The following TCF7L1 variants were observed in gnomAD, a reference collection of about 807,000 sequenced individuals.
TCF7L1 encodes transcription factor 7 like 1, also known as transcription factor 7-like 1.
Under a neutral mutation model 63.7 loss-of-function variants are expected in TCF7L1, and 18 were observed. That is an observed-to-expected ratio of 0.28 (90% CI 0.20 to 0.42). The LOEUF is 0.42. Ranked by LOEUF, TCF7L1 falls within the 10% of genes least tolerant of loss-of-function variation. The pLI is 1.00. For missense variants in TCF7L1, 654 were observed against 779.3 expected (o/e 0.84, Z 1.91); for synonymous variants, 355 against 340.9 (o/e 1.04, Z -0.46).
At position 85,222,625 on chromosome 2, in the gene TCF7L1, G is replaced by A. The variant is rs1347396032; in HGVS notation, c.442-60870G>A. Among the ~76,000 whole-genome samples, 17 of 134,644 alleles carry A rather than the reference G, an allele frequency of 1.3e-4. No individual in the cohort carries two copies. In the East Asian group the frequency reaches 3.4e-3, roughly 27 times the overall value. 88.3% of individuals were successfully genotyped at this position (134,644 alleles called of 152,430 possible). A position where few individuals can be genotyped will look rare whatever the true frequency, so the allele number is the denominator to read the frequency against. On this transcript the variant is annotated intron_variant, in intron 3 of 11. Coordinates refer to ENST00000282111, the MANE Select transcript of TCF7L1 (RefSeq NM_031283.3). Reference sequence around the variant, plus strand: ...GCAGAGGCTGCAGTGAGCCTAGATTGCACTGCTGCACTCCAGCCTGGGTGA... The same window carrying A: ...GCAGAGGCTGCAGTGAGCCTAGATTACACTGCTGCACTCCAGCCTGGGTGA...
In TCF7L1 at chr2:85,134,249, C is replaced by G; in HGVS notation, c.314-74C>G. 1 of 1,484,194 alleles carries G rather than the reference C, an allele frequency of 6.7e-7. No homozygotes were observed. The allele number at this position is 1,484,194 out of a possible 1,614,324, so 91.9% of individuals were successfully genotyped here. A position where few individuals can be genotyped will look rare whatever the true frequency, so the allele number is the denominator to read the frequency against. ...GGGGGGCGCTGGGGTCCCCAGCTCC[C>G]GCCTCGAGCCCCCTGCCGCGGCGCT... On this transcript the variant is annotated intron_variant, in intron 2 of 11. Coordinates refer to ENST00000282111, the MANE Select transcript of TCF7L1 (RefSeq NM_031283.3). This position sits in a 1 kb window ranked among gnomAD's most constrained non-coding sequence, Gnocchi z 5.0.
chr2:85,250,289 T>C (rs1432731103), intron 3 of TCF7L1, among the ~76,000 whole-genome samples: 3 of 152,120 alleles, frequency 2.0e-5, no homozygotes, highest in Non-Finnish European at 2.9e-5. Context: ...TCTGGTCCAC[T>C]ACTGGAAGGC....
intron 3 of TCF7L1, among the ~76,000 whole-genome samples, chr2:85,247,466 T>C (rs987735601): frequency 5.3e-5 from 8 of 152,362 alleles, no homozygotes; most frequent in Middle Eastern, 3.4e-3. Flanking sequence ...TTGTTTTTCC[T>C]GCCCCAAGGT....
At chr2:85,167,512 CAGAT>C (rs1196057713) in intron 3 of TCF7L1, 3 of 152,142 alleles carry the variant, frequency 2.0e-5, no homozygotes, top group African/African-American at 4.8e-5. Context: ...TATCCGTCGA[CAGAT>C]GGATGGCTAA....
At position 85,309,555 on chromosome 2, in the gene TCF7L1, G is replaced by A. The variant is rs1264612972; in HGVS notation, c.*93G>A. 3 of 1,316,410 alleles carry A rather than the reference G, an allele frequency of 2.3e-6. No individual in the cohort carries two copies. The highest frequency in any genetic ancestry group is 3.1e-6 in the Non-Finnish European group (3 of 980,888). The allele number at this position is 1,316,410 out of a possible 1,614,324, so 81.5% of individuals were successfully genotyped here. A position where few individuals can be genotyped will look rare whatever the true frequency, so the allele number is the denominator to read the frequency against. ...AAGGAGACTTTATTGGTCAATATTT[G>A]ACCACTCTGGACTGTTCTGTAAAGT... On this transcript the variant is annotated 3_prime_UTR_variant, in exon 12 of 12. Coordinates refer to ENST00000282111, the MANE Select transcript of TCF7L1 (RefSeq NM_031283.3).
intron 3 of TCF7L1, chr2:85,262,133 G>C: frequency 1.8e-6 from 1 of 545,226 alleles, no homozygotes; most frequent in Non-Finnish European, 3.7e-6. Context: ...AATCTCTTCC[G>C]CATCATCTAA....
chr2:85,219,437 G>T (rs146647540), intron 3 of TCF7L1, among the ~76,000 whole-genome samples: 1 of 152,268 alleles, frequency 6.6e-6, no homozygotes, highest in African/African-American at 2.4e-5. Context: ...TTGCTGCATT[G>T]TTTACAGTAG....
At chr2:85,241,452 T>TTTTG (rs1680328400) in intron 3 of TCF7L1, among the ~76,000 whole-genome samples, 1 of 143,292 alleles carries the variant, frequency 7.0e-6, no homozygotes, top group African/African-American at 2.6e-5. Flanking sequence ...TTTTTTTTTT[T>TTTTG]TTTTTTTTTT....
intron 3 of TCF7L1, among the ~76,000 whole-genome samples, chr2:85,230,447 C>G (rs1447250594): frequency 1.3e-5 from 2 of 152,122 alleles, no homozygotes; most frequent in South Asian, 2.1e-4. Context: ...GATTTTCATG[C>G]CTCAGCCTCC....
intron 3 of TCF7L1, among the ~76,000 whole-genome samples, chr2:85,259,695 C>G (rs934915349): frequency 6.6e-6 from 1 of 152,178 alleles, no homozygotes; most frequent in Non-Finnish European, 1.5e-5. Context: ...TTGGGAAAAA[C>G]TTGGATAGAG....
chr2:85,142,625 T>A (rs1677772594), intron 3 of TCF7L1, among the ~76,000 whole-genome samples: 1 of 152,138 alleles, frequency 6.6e-6, no homozygotes. Context: ...CGTCCCAGAT[T>A]GTCTTTTCTA....
chr2:85,181,486 G>C (rs1678804915), intron 3 of TCF7L1, among the ~76,000 whole-genome samples: 2 of 152,200 alleles, frequency 1.3e-5, no homozygotes, highest in African/African-American at 4.8e-5. Context: ...AGGAAAAAAA[G>C]AACTATGTGT....
chr2:85,272,618 A>T (rs189742621), intron 3 of TCF7L1, among the ~76,000 whole-genome samples: 1 of 150,152 alleles, frequency 6.7e-6, no homozygotes, highest in East Asian at 2.0e-4. Context: ...ACATAGTGAG[A>T]CCCTGTCTCT....
At chr2:85,276,480 A>T (rs1681273516) in intron 3 of TCF7L1, among the ~76,000 whole-genome samples, 1 of 152,200 alleles carries the variant, frequency 6.6e-6, no homozygotes, top group African/African-American at 2.4e-5. Flanking sequence ...AGCTCTATGT[A>T]ACAGGAACCT....
intron 3 of TCF7L1, among the ~76,000 whole-genome samples, chr2:85,218,012 C>T (rs748898887): frequency 6.6e-6 from 1 of 151,932 alleles, no homozygotes; most frequent in Non-Finnish European, 1.5e-5. Flanking sequence ...CATGGAATTC[C>T]TTGGAATCAA....
At position 85,273,356 on chromosome 2, in the gene TCF7L1, C is replaced by G. The variant is rs149700272; in HGVS notation, c.442-10139C>G. Among the ~76,000 whole-genome samples, 14 of 152,302 alleles carry G rather than the reference C, an allele frequency of 9.2e-5. No individual in the cohort carries two copies. The East Asian group carries it at 2.5e-3, about 27-fold the overall frequency. ...CCCCGCCATCCAGCAGATTATGTGC[C>G]CCACTTCCTCTGTGCCACACACATC... On this transcript the variant is annotated intron_variant, in intron 3 of 11. Coordinates refer to ENST00000282111, the MANE Select transcript of TCF7L1 (RefSeq NM_031283.3).
chr2:85,270,738 G>T (rs1681131234), intron 3 of TCF7L1, among the ~76,000 whole-genome samples: 2 of 152,126 alleles, frequency 1.3e-5, no homozygotes, highest in Admixed American at 1.3e-4. Flanking sequence ...CACCCAGGCT[G>T]GAGTGCAGTG....
rs763410839 is a variant in TCF7L1 at position 85,134,039 on chromosome 2, C to T, written c.273C>T (p.Val91=). The T allele has an allele frequency of 1.2e-6, 2 of 1,611,102 alleles. No individual in the cohort carries two copies. The highest frequency in any genetic ancestry group is 8.5e-7 in the Non-Finnish European group (1 of 1,179,132). Residue 91 remains valine (V), a synonymous_variant, in exon 2 of 12, where the codon GTC becomes GTT. Coordinates refer to ENST00000282111, the MANE Select transcript of TCF7L1 (RefSeq NM_031283.3). The surrounding 1 kb of genome is among the most constrained non-coding windows in gnomAD (Gnocchi z 5.0). ...AGGCGGAGAGGCGCCCGCAGCCCGT[C>T]CGGGACACTTTCCAGAAGCCGCGGG... ...DSEAERRPQP[V]RDTFQKPRDY...
At chr2:85,189,272 T>C (rs928678643) in intron 3 of TCF7L1, among the ~76,000 whole-genome samples, 2 of 152,200 alleles carry the variant, frequency 1.3e-5, no homozygotes, top group Admixed American at 6.5e-5. Context: ...CATTCCTGAT[T>C]TAAATATTGG....
Sources: allele counts gnomAD v4.1 joint callset (sites outside exome capture counted in the v4.1 genomes callset), GRCh38; gene constraint gnomAD v4.1.1; non-coding constraint Gnocchi (gnomAD v3.1); transcripts MANE v1.5; gene names NCBI Gene and HGNC (gene_info 2026-07-23, HGNC 2026-07-21).